The following NHS variants were observed in gnomAD, a reference collection of about 807,000 sequenced individuals.
The protein encoded by NHS is actin remodeling regulator NHS.
In NHS, 5 loss-of-function variants were observed where a neutral mutation model predicts 72.5. That is an observed-to-expected ratio of 0.07 (90% CI 0.04 to 0.14). NHS has a LOEUF of 0.14. Among genes scored for constraint, NHS ranks in the 10% least tolerant of loss-of-function variants. NHS has a pLI of 1.00. For missense variants in NHS, 1,072 were observed against 1,355.7 expected (o/e 0.79, Z 3.29); for synonymous variants, 464 against 547.7 (o/e 0.85, Z 2.13).
chrX:17,435,372 G>C (rs2064716855), intron 1 of NHS, among the ~76,000 whole-genome samples: 1 of 111,473 alleles, frequency 9.0e-6, no homozygotes, highest in South Asian at 3.8e-4. Flanking sequence ...ATGTGGCATG[G>C]GATGGGTGGG....
intron 1 of NHS, among the ~76,000 whole-genome samples, chrX:17,637,033 G>A (rs1246842552): frequency 8.9e-6 from 1 of 111,816 alleles, no homozygotes; most frequent in Admixed American, 9.5e-5. Flanking sequence ...AACAGTGCAT[G>A]TTTTTAAAAC....
intron 3 of NHS, among the ~76,000 whole-genome samples, chrX:17,697,638 T>G (rs770028211): frequency 4.5e-5 from 5 of 111,911 alleles, no homozygotes; most frequent in African/African-American, 1.3e-4. Context: ...ATGGGTAGCA[T>G]ACATTTTAAT....
intron 1 of NHS, among the ~76,000 whole-genome samples, chrX:17,521,375 T>G (rs1477592100): frequency 1.9e-5 from 2 of 108,079 alleles, no homozygotes; most frequent in African/African-American, 7.1e-5. Context: ...TCTTTTTTTT[T>G]TTTTGAGACA....
intron 1 of NHS, among the ~76,000 whole-genome samples, chrX:17,505,006 A>G (rs753372707): frequency 1.6e-3 from 180 of 111,296 alleles, no homozygotes; most frequent in Non-Finnish European, 2.9e-3. Context: ...TTATTCAACT[A>G]CCTATGTGTG....
intron 1 of NHS, among the ~76,000 whole-genome samples, chrX:17,578,875 G>A (rs1444323777): frequency 8.9e-6 from 1 of 111,788 alleles, no homozygotes; most frequent in African/African-American, 3.3e-5. Flanking sequence ...CTGCAGTGTT[G>A]GAGAGGGTGT....
At chrX:17,451,114 T>C (rs1601712528) in intron 1 of NHS, among the ~76,000 whole-genome samples, 1 of 112,485 alleles carries the variant, frequency 8.9e-6, no homozygotes, top group East Asian at 2.8e-4. Flanking sequence ...ATTGATTACA[T>C]GTTGAAAAAT....
intron 1 of NHS, among the ~76,000 whole-genome samples, chrX:17,378,297 G>A (rs1273130696): frequency 2.7e-5 from 3 of 111,490 alleles, no homozygotes. Flanking sequence ...TATAGTTGGT[G>A]AATATATACT....
intron 1 of NHS, among the ~76,000 whole-genome samples, chrX:17,454,337 G>T (rs1406438282): frequency 8.9e-6 from 1 of 111,950 alleles, no homozygotes; most frequent in African/African-American, 3.2e-5. Flanking sequence ...AGCAAGTCAA[G>T]AACTCCTCAT....
At chrX:17,481,815 T>C (rs1479819934) in intron 1 of NHS, among the ~76,000 whole-genome samples, 1 of 112,052 alleles carries the variant, frequency 8.9e-6, no homozygotes, top group Non-Finnish European at 1.9e-5. Flanking sequence ...GAGGCAACTA[T>C]TCTGACTCGT....
chrX:17,478,865 A>C (rs2064933114), intron 1 of NHS, among the ~76,000 whole-genome samples: 1 of 111,463 alleles, frequency 9.0e-6, no homozygotes, highest in Admixed American at 9.5e-5. Context: ...TAACTGAGGA[A>C]CTGAATTTTA....
intron 1 of NHS, among the ~76,000 whole-genome samples, chrX:17,638,716 T>G (rs768896459): frequency 7.7e-4 from 87 of 112,364 alleles, no homozygotes; most frequent in Non-Finnish European, 1.3e-3. Flanking sequence ...AATGAAAGAA[T>G]GCAGGCAAAG....
At chrX:17,695,790 C>G (rs938200225) in intron 3 of NHS, among the ~76,000 whole-genome samples, 1 of 111,012 alleles carries the variant, frequency 9.0e-6, no homozygotes, top group Admixed American at 9.6e-5. Context: ...TCACAGGAAA[C>G]AGGACAAGCC....
chrX:17,377,577 G>A (rs1288304835), intron 1 of NHS, among the ~76,000 whole-genome samples: 1 of 113,334 alleles, frequency 8.8e-6, no homozygotes, highest in African/African-American at 3.2e-5. Context: ...TCCTTCCCTG[G>A]GGATTTCCGG....
chrX:17,561,647 G>T (rs1169302139), intron 1 of NHS, among the ~76,000 whole-genome samples: 1 of 101,953 alleles, frequency 9.8e-6, no homozygotes, highest in African/African-American at 3.6e-5. Context: ...TACTGGCTTG[G>T]CTTGGCAGGA....
chrX:17,501,878 G>A (rs767810198), intron 1 of NHS, among the ~76,000 whole-genome samples: 17 of 112,253 alleles, frequency 1.5e-4, no homozygotes, highest in African/African-American at 5.2e-4. Flanking sequence ...CTATCCTTGT[G>A]AGAAAATGCA....
At chrX:17,397,006 T>C (rs1189701147) in intron 1 of NHS, among the ~76,000 whole-genome samples, 8 of 112,662 alleles carry the variant, frequency 7.1e-5, no homozygotes, top group African/African-American at 2.6e-4. Context: ...CCAGATTATC[T>C]TGGCTTACAG....
At chrX:17,602,374 A>G (rs1297623899) in intron 1 of NHS, among the ~76,000 whole-genome samples, 1 of 111,764 alleles carries the variant, frequency 8.9e-6, no homozygotes, top group African/African-American at 3.3e-5. Context: ...TTCCATCCAC[A>G]TGGCCTCTGG....
At chrX:17,620,788 C>T (rs1320633155) in intron 1 of NHS, among the ~76,000 whole-genome samples, 1 of 111,157 alleles carries the variant, frequency 9.0e-6, no homozygotes, top group African/African-American at 3.3e-5. Flanking sequence ...CTGGATTTGT[C>T]TGCTCCTGAG....
chrX:17,412,900 T>C (rs2064568346), intron 1 of NHS, among the ~76,000 whole-genome samples: 1 of 112,374 alleles, frequency 8.9e-6, no homozygotes, highest in African/African-American at 3.2e-5. Context: ...TGTCACTGAG[T>C]GCGAAAGCAG....
Sources: gnomAD v4.1 joint callset for allele counts (sites outside exome capture counted in the v4.1 genomes callset) on GRCh38, gnomAD v4.1.1 for gene constraint, MANE v1.5 for transcripts, NCBI Gene and HGNC (gene_info 2026-07-23, HGNC 2026-07-21) for gene names.